The following FER variants were observed in gnomAD, a reference collection of about 807,000 sequenced individuals.
FER encodes the protein FER tyrosine kinase.
In FER, 63 loss-of-function variants were observed where a neutral mutation model predicts 111.0. That is an observed-to-expected ratio of 0.57 (90% CI 0.46 to 0.70). FER has a LOEUF of 0.70. Ranked by LOEUF, FER falls within the 30% of genes least tolerant of loss-of-function variation. FER has a pLI of 0.00. For synonymous variants in FER, 327 were observed against 313.9 expected (o/e 1.04, Z -0.44); for missense variants, 914 against 954.0 (o/e 0.96, Z 0.55).
intron 17 of FER, among the ~76,000 whole-genome samples, chr5:109,118,888 T>G (rs1327744227): frequency 2.6e-5 from 4 of 152,128 alleles, no homozygotes; most frequent in African/African-American, 4.8e-5. Flanking sequence ...TATTTGATTC[T>G]TCTGTCTTTT....
chr5:108,844,095 T>TACGTGTGTGAAC lies in FER; in HGVS notation c.481+8289_481+8290insCGTGTGTGAACA, dbSNP rs1554076444. Among the ~76,000 whole-genome samples the TACGTGTGTGAAC allele has an allele frequency of 8.9e-5, 13 of 145,704 alleles. 1 individual carries two copies. Among genetic ancestry groups the TACGTGTGTGAAC allele is most frequent in the Admixed American group, 2.0e-4 (3 of 14,756 alleles). ...GTGTGAACATATATGCGTGTGAACA[T>TACGTGTGTGAAC]ATGTGTGTGAACATGTGTGTGAACA... On this transcript the variant is annotated intron_variant, in intron 5 of 19. Transcript: ENST00000281092.
intron 3 of FER, among the ~76,000 whole-genome samples, chr5:108,799,164 G>A (rs1396196211): frequency 1.3e-5 from 2 of 152,124 alleles, no homozygotes; most frequent in Non-Finnish European, 2.9e-5. Flanking sequence ...ACATCCATTA[G>A]ATGAATAATG....
At chr5:108,821,600 C>A (rs1468913377) in intron 3 of FER, among the ~76,000 whole-genome samples, 3 of 151,950 alleles carry the variant, frequency 2.0e-5, no homozygotes, top group African/African-American at 7.2e-5. Context: ...TATTTTTCAT[C>A]CAATTTTGAA....
intron 17 of FER, among the ~76,000 whole-genome samples, chr5:109,138,702 G>A (rs369974324): frequency 6.6e-6 from 1 of 152,098 alleles, no homozygotes; most frequent in African/African-American, 2.4e-5. Flanking sequence ...GTTTCCATCT[G>A]ATGTTTCACA....
rs367548253 is a variant in FER, at chr5:108,848,207, C to T, written c.481+12400C>T. ...TCTATATTCTTTTTTCATACTTTAA[C>T]CAGTTTCAGTCTTTATTTCTGAAAT... On this transcript the variant is annotated intron_variant, in intron 5 of 19. Transcript: ENST00000281092. Among the ~76,000 whole-genome samples the T allele has an allele frequency of 2.6e-5, 4 of 152,260 alleles. No individual in the cohort carries two copies. The East Asian group carries it at 5.8e-4, about 22-fold the overall frequency.
At position 109,169,722 on chromosome 5, in the gene FER, T is replaced by C. The variant is rs563434393; in HGVS notation, c.2049-11025T>C. On this transcript the variant is annotated intron_variant, in intron 17 of 19. Transcript: ENST00000281092. ...ACTACTCTAAAAATGCTTTTTGTGA[T>C]GATATGCCAGATGAAGAGTTTGCCA... 2.0e-5 allele frequency among the ~76,000 whole-genome samples: 3 copies of C among 152,342 alleles called. No individual in the cohort carries two copies. In the South Asian group the frequency reaches 6.2e-4, roughly 32 times the overall value.
At chr5:108,844,973 G>T (rs1393752508) in intron 5 of FER, among the ~76,000 whole-genome samples, 1 of 96,030 alleles carries the variant, frequency 1.0e-5, no homozygotes, top group Non-Finnish European at 2.1e-5. Context: ...TTTTTGGATT[G>T]TTCATTGCTG....
chr5:109,123,514 T>A lies in FER; in HGVS notation c.2048+22995T>A, dbSNP rs569378480. On this transcript the variant is annotated intron_variant, in intron 17 of 19. Transcript: ENST00000281092. ...ACTTTTTTCTGGTGCTATATTTTAATTTCTTGCTTTTTATTTTTTTGTATA... is the reference window on the plus strand; with the variant it reads ...ACTTTTTTCTGGTGCTATATTTTAAATTCTTGCTTTTTATTTTTTTGTATA... Among the ~76,000 whole-genome samples the A allele has an allele frequency of 2.0e-5, 3 of 152,190 alleles. No homozygotes were observed. The East Asian group carries it at 5.8e-4, about 29-fold the overall frequency.
At chr5:109,055,383 A>T (rs528589214) in intron 16 of FER, among the ~76,000 whole-genome samples, 1 of 152,244 alleles carries the variant, frequency 6.6e-6, no homozygotes, top group South Asian at 2.1e-4. Flanking sequence ...AGTAGCCTAC[A>T]GATTGTGAAA....
intron 1 of FER, among the ~76,000 whole-genome samples, chr5:108,757,148 A>G (rs1009225580): frequency 2.0e-5 from 3 of 152,224 alleles, no homozygotes; most frequent in Non-Finnish European, 4.4e-5. Context: ...GTAGTAAACT[A>G]TTAATGGTCC....
At chr5:109,047,236 A>G (rs756095485) in intron 16 of FER, 38 bp downstream of exon 16, 1 of 1,152,918 alleles carries the variant, frequency 8.7e-7, no homozygotes, top group Admixed American at 1.9e-5. Flanking sequence ...ATGACATTTT[A>G]ATGTCATGTT....
chr5:109,001,921 T>C (rs908275990), intron 13 of FER, among the ~76,000 whole-genome samples: 4 of 151,994 alleles, frequency 2.6e-5, no homozygotes, highest in Admixed American at 6.6e-5. Context: ...GGAATCCAAC[T>C]TACAAGGGAT....
intron 13 of FER, among the ~76,000 whole-genome samples, chr5:108,991,645 C>T (rs1309812221): frequency 6.6e-6 from 1 of 151,848 alleles, no homozygotes; most frequent in South Asian, 2.1e-4. Context: ...TATCTCCTTC[C>T]TTATTCATTT....
intron 13 of FER, among the ~76,000 whole-genome samples, chr5:108,997,277 G>A (rs1764116659): frequency 6.6e-6 from 1 of 151,438 alleles, no homozygotes; most frequent in Non-Finnish European, 1.5e-5. Flanking sequence ...AATTAGCCGG[G>A]CTTGGTGGTG....
In FER at chr5:108,919,282, AT is replaced by A. The variant is rs533230776; in HGVS notation, c.1236+21443del. On this transcript the variant is annotated intron_variant, in intron 10 of 19. Transcript: ENST00000281092. ...GGTTATTCTTGATTTCACTTTGTAG[AT>A]TTTTTTTTATGGCTTTATAGATGAT... Among the ~76,000 whole-genome samples the A allele has an allele frequency of 3.3e-4, 50 of 149,412 alleles. 1 individual carries two copies. The highest frequency in any genetic ancestry group is 3.6e-3 in the Middle Eastern group (1 of 278).
At chr5:108,769,015 T>A (rs1561389781) in intron 2 of FER, among the ~76,000 whole-genome samples, 2 of 152,010 alleles carry the variant, frequency 1.3e-5, no homozygotes. Flanking sequence ...TTAGAAGAGA[T>A]GGGGTTTTGC....
At chr5:108,940,999 GTCT>G (rs1756186729) in intron 10 of FER, among the ~76,000 whole-genome samples, 3 of 152,116 alleles carry the variant, frequency 2.0e-5, no homozygotes, top group Admixed American at 6.6e-5. Context: ...GCTGAAAGTT[GTCT>G]TCTTAGGTAC....
intron 10 of FER, among the ~76,000 whole-genome samples, chr5:108,924,356 GTC>G (rs1432773690): frequency 2.1e-5 from 2 of 94,304 alleles, no homozygotes; most frequent in African/African-American, 1.0e-4. Context: ...GCGAAACTCT[GTC>G]TCAAAAAAAA....
chr5:108,948,024 ACTTAAAAT>A (rs1757217077), intron 11 of FER, among the ~76,000 whole-genome samples: 1 of 152,076 alleles, frequency 6.6e-6, no homozygotes, highest in African/African-American at 2.4e-5. Flanking sequence ...AGCATATTTA[ACTTAAAAT>A]CTTTAAAATG....
Sources: allele counts gnomAD v4.1 joint callset (sites outside exome capture counted in the v4.1 genomes callset), GRCh38; gene constraint gnomAD v4.1.1; transcripts MANE v1.5; gene names NCBI Gene and HGNC (gene_info 2026-07-23, HGNC 2026-07-21).